KALRN: variants seen among roughly 807,000 people sequenced by gnomAD.
KALRN encodes the protein kalirin RhoGEF kinase, also known as kalirin.
Under a neutral mutation model 353.7 loss-of-function variants are expected in KALRN, and 70 were observed. The observed-to-expected ratio is 0.20, with a 90% CI of 0.16 to 0.24. The LOEUF is 0.24. KALRN is among the 10% of genes least tolerant of loss of function. KALRN has a pLI of 1.00. For synonymous variants in KALRN, 1,391 were observed against 1,434.8 expected (o/e 0.97, Z 0.69); for missense variants, 2,791 against 3,756.7 (o/e 0.74, Z 6.72).
At chr3:124,625,956 C>T (rs1255686513) in intron 34 of KALRN, among the ~76,000 whole-genome samples, 5 of 152,050 alleles carry the variant, frequency 3.3e-5, no homozygotes, top group Non-Finnish European at 5.9e-5. Flanking sequence ...TGGTGCATGC[C>T]TGTAATCCCA....
intron 1 of KALRN, among the ~76,000 whole-genome samples, chr3:124,117,581 T>C (rs2063570284): frequency 6.6e-6 from 1 of 152,136 alleles, no homozygotes; most frequent in South Asian, 2.1e-4. Flanking sequence ...CACTCTTGTG[T>C]TAATTTAAGA....
At chr3:124,451,201 T>G (rs947353081) in intron 21 of KALRN, among the ~76,000 whole-genome samples, 1 of 151,628 alleles carries the variant, frequency 6.6e-6, no homozygotes, top group Non-Finnish European at 1.5e-5. Context: ...AAAAATTTAC[T>G]CAGAGTGAGG....
At chr3:124,096,488 C>T (rs2061459440) in intron 1 of KALRN, 1 of 152,164 alleles carries the variant, frequency 6.6e-6, no homozygotes. Flanking sequence ...TTTATACTTA[C>T]ATGAATTTAA....
intron 47 of KALRN, among the ~76,000 whole-genome samples, chr3:124,667,813 G>C (rs1315691398): frequency 2.0e-5 from 3 of 152,170 alleles, no homozygotes; most frequent in Non-Finnish European, 4.4e-5. Context: ...GAGTGAAGTA[G>C]AGTTGCCACT....
At chr3:124,048,551 G>A (rs565263871) in intron 1 of KALRN, among the ~76,000 whole-genome samples, 47 of 151,372 alleles carry the variant, frequency 3.1e-4, no homozygotes, top group African/African-American at 1.1e-3. Context: ...GTGCGATCTC[G>A]GCTCACTGCA....
At chr3:124,126,242 G>A (rs1490059961) in intron 1 of KALRN, among the ~76,000 whole-genome samples, 1 of 151,374 alleles carries the variant, frequency 6.6e-6, no homozygotes, top group Non-Finnish European at 1.5e-5. Flanking sequence ...TTCCAAACTT[G>A]AAAAGATATA....
At position 124,325,122 on chromosome 3, in the gene KALRN, T is replaced by C. The variant is rs2079747567; in HGVS notation, c.1093-858T>C. Among the ~76,000 whole-genome samples, 6 of 152,304 alleles carry C rather than the reference T, an allele frequency of 3.9e-5. No homozygotes were observed. In the South Asian group the frequency reaches 1.2e-3, roughly 32 times the overall value. On this transcript the variant is annotated intron_variant, in intron 6 of 59. Transcript: ENST00000682506. ...CCTGGAGCATTTTTCAGTGACCTAA[T>C]AGGAAACAGCATACATGTTCATGAA...
intron 39 of KALRN, among the ~76,000 whole-genome samples, chr3:124,656,022 G>T (rs113483270): frequency 1.3e-5 from 2 of 152,094 alleles, no homozygotes; most frequent in Non-Finnish European, 2.9e-5. Flanking sequence ...AGCCACATAG[G>T]CATAAAACAG....
At chr3:124,502,329 G>A (rs529997431) in intron 33 of KALRN, among the ~76,000 whole-genome samples, 1 of 152,324 alleles carries the variant, frequency 6.6e-6, no homozygotes, top group Admixed American at 6.5e-5. Flanking sequence ...CCAGAGCTCT[G>A]CAGTAGGAAT....
intron 29 of KALRN, 94 bp downstream of exon 29, chr3:124,488,409 G>C: frequency 1.2e-6 from 1 of 831,978 alleles, no homozygotes; most frequent in Non-Finnish European, 2.1e-6. Flanking sequence ...GTTAGACAAG[G>C]TGCAAGGCTG....
intron 51 of KALRN, among the ~76,000 whole-genome samples, chr3:124,692,892 G>T (rs1209790578): frequency 6.6e-6 from 1 of 152,180 alleles, no homozygotes; most frequent in Non-Finnish European, 1.5e-5. Flanking sequence ...GTACAATCTG[G>T]ACATGGATGA....
intron 51 of KALRN, among the ~76,000 whole-genome samples, chr3:124,689,322 C>A (rs549093672): frequency 6.6e-6 from 1 of 152,240 alleles, no homozygotes; most frequent in South Asian, 2.1e-4. Context: ...TCAGGCAATC[C>A]TCCCACCTCA....
chr3:124,105,874 T>G (rs1280289410), intron 1 of KALRN, among the ~76,000 whole-genome samples: 1 of 152,180 alleles, frequency 6.6e-6, no homozygotes, highest in African/African-American at 2.4e-5. Flanking sequence ...GAGGCTGGGG[T>G]AAGGGACCAG....
intron 51 of KALRN, among the ~76,000 whole-genome samples, chr3:124,682,123 T>C (rs1448681102): frequency 1.3e-5 from 2 of 152,298 alleles, no homozygotes; most frequent in South Asian, 2.1e-4. Context: ...TAGAACCTTA[T>C]TGCAATGTAC....
intron 32 of KALRN, among the ~76,000 whole-genome samples, chr3:124,495,953 A>ATGTGTG (rs370871669): frequency 2.1e-5 from 1 of 47,526 alleles, no homozygotes; most frequent in African/African-American, 1.0e-4. Context: ...AAGTGTGTGT[A>ATGTGTG]TGTGTATGTA....
rs1157036633 is a variant in KALRN, at chr3:124,334,020, A to G, written c.1417-245A>G. Reference sequence around the variant, plus strand: ...ACAGTGCTGAAATTCAGGAGGGGAGAGAGTCTCACAGACAACTGGCCAGCA... The same window carrying G: ...ACAGTGCTGAAATTCAGGAGGGGAGGGAGTCTCACAGACAACTGGCCAGCA... On this transcript the variant is annotated intron_variant, in intron 8 of 59. Transcript: ENST00000682506. This position sits in a 1 kb window ranked among gnomAD's most constrained non-coding sequence, Gnocchi z 4.2. Among the ~76,000 whole-genome samples the G allele has an allele frequency of 6.6e-6, 1 of 152,176 alleles. No individual in the cohort carries two copies. The highest frequency in any genetic ancestry group is 1.5e-5 in the Non-Finnish European group (1 of 68,042).
At chr3:124,172,563 C>T (rs1417688923) in intron 1 of KALRN, among the ~76,000 whole-genome samples, 1 of 152,270 alleles carries the variant, frequency 6.6e-6, no homozygotes, top group African/African-American at 2.4e-5. Flanking sequence ...GGCTTTGAAC[C>T]TACTAAGCCT....
intron 5 of KALRN, among the ~76,000 whole-genome samples, chr3:124,283,849 C>T (rs1314334965): frequency 3.3e-5 from 5 of 152,074 alleles, no homozygotes; most frequent in Admixed American, 1.3e-4. Flanking sequence ...CATGAAGTTT[C>T]GCAGTCTTAG....
intron 5 of KALRN, among the ~76,000 whole-genome samples, chr3:124,273,278 G>A (rs1190174376): frequency 6.6e-6 from 1 of 152,118 alleles, no homozygotes; most frequent in Non-Finnish European, 1.5e-5. Flanking sequence ...TAGGGAGTAG[G>A]GCCTCTGTTC....
Sources: gnomAD v4.1 joint callset for allele counts (sites outside exome capture counted in the v4.1 genomes callset) on GRCh38, gnomAD v4.1.1 for gene constraint, Gnocchi (gnomAD v3.1) non-coding constraint, MANE v1.5 for transcripts, NCBI Gene and HGNC (gene_info 2026-07-23, HGNC 2026-07-21) for gene names.